PRKDC: variants seen among roughly 807,000 people sequenced by gnomAD.
PRKDC encodes the protein protein kinase, DNA-activated, catalytic subunit, also known as DNA-dependent protein kinase catalytic subunit.
In PRKDC, 82 loss-of-function variants were observed where a neutral mutation model predicts 486.9. That is an observed-to-expected ratio of 0.17 (90% CI 0.14 to 0.20). The LOEUF is 0.20. Ranked by LOEUF, PRKDC falls within the 10% of genes least tolerant of loss-of-function variation. PRKDC has a pLI of 1.00. For synonymous variants in PRKDC, 1,895 were observed against 1,837.0 expected (o/e 1.03, Z -0.81); for missense variants, 4,504 against 5,038.2 (o/e 0.89, Z 3.21).
chr8:47,774,152 A>C lies in PRKDC; in HGVS notation c.*21T>G, dbSNP rs754339228. On this transcript the variant is annotated 3_prime_UTR_variant, in exon 86 of 86. Transcript: ENST00000314191. Reference sequence around the variant, plus strand: ...TTCTTTAAACAATGTAATGCTTTCTATCTGCAGACTCCCACAGACCTCACA... The same window carrying C: ...TTCTTTAAACAATGTAATGCTTTCTCTCTGCAGACTCCCACAGACCTCACA... 1.0e-5 allele frequency: 16 copies of C among 1,554,412 alleles called. No individual in the cohort carries two copies. Among genetic ancestry groups the C allele is most frequent in the Non-Finnish European group, 1.4e-5 (16 of 1,148,668 alleles).
intron 77 of PRKDC, 21 bp from the exon 78 acceptor site, chr8:47,783,830 G>A (rs2086742189): frequency 6.2e-7 from 1 of 1,612,650 alleles, no homozygotes; most frequent in African/African-American, 1.3e-5. Context: ...CCAGAACCTT[G>A]CTTAGGAACA....
chr8:47,951,011 T>C (rs1478623220), intron 7 of PRKDC, among the ~76,000 whole-genome samples: 3 of 152,150 alleles, frequency 2.0e-5, no homozygotes, highest in East Asian at 3.8e-4. Flanking sequence ...AACTGAACTT[T>C]AGCAAAACAA....
At chr8:47,825,504 CAAAAAAAAAAA>C (rs397891351) in intron 63 of PRKDC, among the ~76,000 whole-genome samples, 10 of 10,252 alleles carry the variant, frequency 9.8e-4, no homozygotes, top group South Asian at 4.4e-3. Context: ...AAGACTGTCT[CAAAAAAAAAAA>C]AAAAAAAAAA....
chr8:47,855,847 T>A (rs2088526859), intron 49 of PRKDC, among the ~76,000 whole-genome samples: 1 of 152,228 alleles, frequency 6.6e-6, no homozygotes, highest in Non-Finnish European at 1.5e-5. Context: ...ATCTGGCTGC[T>A]GAGCAGTGCA....
chr8:47,915,552 A>C, intron 22 of PRKDC, 134 bp from the exon 23 acceptor site: 2 of 564,158 alleles, frequency 3.5e-6, no homozygotes, highest in Non-Finnish European at 6.1e-6. Context: ...TTTTGGCAGG[A>C]TCCTTTCCAC....
At chr8:47,851,797 C>A (rs757122485) in intron 52 of PRKDC, among the ~76,000 whole-genome samples, 3 of 152,100 alleles carry the variant, frequency 2.0e-5, no homozygotes, top group Non-Finnish European at 4.4e-5. Flanking sequence ...AGGAGGAGGA[C>A]GGGAGCCAAG....
intron 54 of PRKDC, among the ~76,000 whole-genome samples, chr8:47,843,240 A>C (rs535949350): frequency 4.6e-5 from 7 of 152,226 alleles, no homozygotes; most frequent in Non-Finnish European, 1.0e-4. Context: ...CACTACAGGA[A>C]TTTCATAATA....
intron 21 of PRKDC, 49 bp downstream of exon 21, chr8:47,927,145 C>T: frequency 6.4e-7 from 1 of 1,560,372 alleles, no homozygotes; most frequent in South Asian, 1.1e-5. Flanking sequence ...TATAGTTACT[C>T]CATTTCCATT....
At chr8:47,858,826 G>A (rs375920177) in intron 47 of PRKDC, 23 bp downstream of exon 47, 2 of 1,609,816 alleles carry the variant, frequency 1.2e-6, no homozygotes, top group Non-Finnish European at 1.7e-6. Context: ...AGTATTAACA[G>A]GTAAGATGAG....
At chr8:47,830,570 A>G in intron 61 of PRKDC, 35 bp downstream of exon 61, 1 of 1,606,214 alleles carries the variant, frequency 6.2e-7, no homozygotes, top group Non-Finnish European at 8.5e-7. Flanking sequence ...ACAGATTTTA[A>G]CCTGTCAACA....
intron 68 of PRKDC, among the ~76,000 whole-genome samples, chr8:47,808,365 C>T (rs991469477): frequency 1.3e-5 from 2 of 152,214 alleles, no homozygotes; most frequent in Admixed American, 6.5e-5. Flanking sequence ...AGGCTGGTCT[C>T]GAGCTCCTGG....
intron 67 of PRKDC, 38 bp from the exon 68 acceptor site, chr8:47,817,599 C>A: frequency 8.0e-7 from 1 of 1,253,824 alleles, no homozygotes; most frequent in Non-Finnish European, 1.1e-6. Flanking sequence ...ACACACAGCT[C>A]AATTATAAGA....
chr8:47,903,644 G>A (rs116853872), intron 26 of PRKDC, among the ~76,000 whole-genome samples: 4,729 of 152,238 alleles, frequency 0.031, 102 homozygotes, highest in Non-Finnish European at 0.05. Flanking sequence ...TGAGTGCCGT[G>A]CTACCGAGTT....
At chr8:47,777,999 T>C in intron 83 of PRKDC, 125 bp from the exon 84 acceptor site, 1 of 919,994 alleles carries the variant, frequency 1.1e-6, no homozygotes, top group Non-Finnish European at 1.7e-6. Flanking sequence ...TCTGCTTCCC[T>C]TGAAATCAGC....
chr8:47,835,434 T>C (rs917077411), intron 58 of PRKDC, among the ~76,000 whole-genome samples: 2 of 151,644 alleles, frequency 1.3e-5, no homozygotes, highest in Non-Finnish European at 2.9e-5. Flanking sequence ...CTGGCCAATG[T>C]GGTGAAATCC....
intron 54 of PRKDC, among the ~76,000 whole-genome samples, chr8:47,847,865 C>T (rs992874529): frequency 9.8e-5 from 14 of 142,960 alleles, no homozygotes; most frequent in East Asian, 2.0e-4. Context: ...GACATAAAAG[C>T]GGCCAACAAA....
chr8:47,821,608 TA>T lies in PRKDC; in HGVS notation c.9106del (p.Tyr3036IlefsTer9). 1 of 1,592,382 alleles carries T rather than the reference TA, an allele frequency of 6.3e-7. No individual in the cohort carries two copies. Among genetic ancestry groups the T allele is most frequent in the Admixed American group, 1.7e-5 (1 of 57,526 alleles). ...ACTTAAAATAATTTTACCCACCTGA[TA>T]AAATGGTTCACTCCAGATTTTATTT... ...DLNKIWSEPF[Y>X]QETYLPYMIR... On this transcript the variant is annotated frameshift_variant, in exon 65 of 86. Coordinates refer to ENST00000314191, the MANE Select transcript of PRKDC (RefSeq NM_006904.7). LOFTEE classifies it high-confidence loss of function.
chr8:47,789,833 C>T (rs748409497), intron 74 of PRKDC, among the ~76,000 whole-genome samples: 5 of 152,040 alleles, frequency 3.3e-5, no homozygotes, highest in Admixed American at 1.3e-4. Flanking sequence ...ATCATTTTAA[C>T]GGATGTTGAA....
rs760526192 is a variant in PRKDC, at chr8:47,933,977, A to G, written c.1611T>C (p.Ser537=). ...TGGTAAATGTTACCATCATCTGGTC[A>G]GAGCTCAGGAGATGTCTGAAGAGAT... ...YVDLFRHLLS[S]DQMMDSILAD... is the part of the protein sequence containing the mutation. The change falls in exon 15 of 86, where the codon TCT becomes TCC. Residue 537 remains serine, a synonymous_variant. Coordinates refer to ENST00000314191, the MANE Select transcript of PRKDC (RefSeq NM_006904.7). 1 of 1,612,382 alleles carries G rather than the reference A, an allele frequency of 6.2e-7. No homozygotes were observed. Among genetic ancestry groups the G allele is most frequent in the Non-Finnish European group, 8.5e-7 (1 of 1,179,432 alleles).
Sources: gnomAD v4.1 joint callset for allele counts (sites outside exome capture counted in the v4.1 genomes callset) on GRCh38, gnomAD v4.1.1 for gene constraint, MANE v1.5 for transcripts, NCBI Gene and HGNC (gene_info 2026-07-23, HGNC 2026-07-21) for gene names.